The following NEDD4L variants were observed in gnomAD, a reference collection of about 807,000 sequenced individuals.
The protein encoded by NEDD4L is E3 ubiquitin-protein ligase NEDD4-like.
In NEDD4L, 54 loss-of-function variants were observed where a neutral mutation model predicts 148.9. The ratio of observed to expected loss-of-function variants is 0.36; its 90% confidence interval spans 0.29 to 0.45. The LOEUF (loss-of-function observed/expected upper bound fraction) is 0.45, where lower values mean the gene tolerates loss of function less well. Ranked by LOEUF, NEDD4L falls within the 20% of genes least tolerant of loss-of-function variation. The pLI, the probability that NEDD4L is intolerant of heterozygous loss-of-function variation, is 1.00. For synonymous variants in NEDD4L, 433 were observed against 440.7 expected, an observed-to-expected ratio of 0.98 and a Z score of 0.22; for missense variants, 856 against 1,233.8, an observed-to-expected ratio of 0.69 and a Z score of 4.59.
At chr18:58,076,953 C>G (rs2083196181) in intron 1 of NEDD4L, among the ~76,000 whole-genome samples, 1 of 150,086 alleles carries the variant, frequency 6.7e-6, no homozygotes, top group Non-Finnish European at 1.5e-5. Flanking sequence ...TGGATTCAAG[C>G]AATTCTTCTG....
At chr18:58,394,880 T>C (rs1189594393) in intron 30 of NEDD4L, among the ~76,000 whole-genome samples, 1 of 152,260 alleles carries the variant, frequency 6.6e-6, no homozygotes, top group Admixed American at 6.5e-5. Flanking sequence ...TGCTCATTCT[T>C]GGAATCACAC....
chr18:58,269,290 A>T (rs1343912776), intron 5 of NEDD4L, among the ~76,000 whole-genome samples: 1 of 151,968 alleles, frequency 6.6e-6, no homozygotes, highest in Non-Finnish European at 1.5e-5. Context: ...CATGGCTTAA[A>T]ACTCTCAGAA....
At chr18:58,153,947 C>G (rs980333825) in intron 1 of NEDD4L, among the ~76,000 whole-genome samples, 1 of 152,088 alleles carries the variant, frequency 6.6e-6, no homozygotes, top group Non-Finnish European at 1.5e-5. Context: ...GCACCCGGCC[C>G]GAAATATTGT....
chr18:58,292,279 G>A (rs1454628502), intron 5 of NEDD4L, among the ~76,000 whole-genome samples: 2 of 152,166 alleles, frequency 1.3e-5, no homozygotes, highest in Non-Finnish European at 2.9e-5. Context: ...TACTGTCACT[G>A]CTGCCTCTGT....
intron 2 of NEDD4L, among the ~76,000 whole-genome samples, chr18:58,229,032 T>C (rs1420932851): frequency 6.6e-6 from 1 of 152,214 alleles, no homozygotes; most frequent in Non-Finnish European, 1.5e-5. Flanking sequence ...AGGCAATCCC[T>C]GTGCACGTGA....
intron 1 of NEDD4L, chr18:58,045,181 A>C (rs145249229): frequency 1.2e-4 from 49 of 398,776 alleles, no homozygotes; most frequent in African/African-American, 9.8e-4. Flanking sequence ...GATTGTGTGG[A>C]TCAGCAGGCG....
Position 58,248,882 on chromosome 18 carries a change from G to T in NEDD4L, c.205-17G>T, listed in dbSNP as rs751735501. ...TTTGAAAGACTAAAAGATACTACAA[G>T]ATAATTTCTCTTCCAGACACTGAAC... On this transcript the variant is annotated splice_polypyrimidine_tract_variant and intron_variant, in intron 3 of 30. Transcript: ENST00000400345. 5.7e-6 allele frequency: 8 copies of T among 1,401,530 alleles called. No homozygotes were observed. Among genetic ancestry groups the T allele is most frequent in the Non-Finnish European group, 7.9e-6 (8 of 1,010,262 alleles). The allele number at this position is 1,401,530 out of a possible 1,614,324, so 86.8% of individuals were successfully genotyped here. A position where few individuals can be genotyped will look rare whatever the true frequency, so the allele number is the denominator to read the frequency against.
intron 1 of NEDD4L, among the ~76,000 whole-genome samples, chr18:58,153,963 C>G (rs950181225): frequency 3.3e-5 from 5 of 152,172 alleles, no homozygotes; most frequent in African/African-American, 1.2e-4. Flanking sequence ...ATTGTTAAAA[C>G]CAAGTACCTT....
At chr18:58,299,620 T>C (rs1011267503) in intron 5 of NEDD4L, among the ~76,000 whole-genome samples, 1 of 152,216 alleles carries the variant, frequency 6.6e-6, no homozygotes, top group Non-Finnish European at 1.5e-5. Flanking sequence ...TACCCACACA[T>C]TGACAGCTTT....
rs150591464 is a variant in NEDD4L, at chr18:58,191,676, A to T, written c.122+25815A>T. On this transcript the variant is annotated intron_variant, in intron 2 of 30. Transcript: ENST00000400345. ...CAGCATATATACTCCTGCCACCCTC[A>T]GTGTGTAGCCAAAGTTCTAAATTGC... Among the ~76,000 whole-genome samples, 23 of 152,350 alleles carry T rather than the reference A, an allele frequency of 1.5e-4. No individual in the cohort carries two copies. In the East Asian group the frequency reaches 3.7e-3, roughly 24 times the overall value.
At chr18:58,185,063 C>T (rs111343215) in intron 2 of NEDD4L, among the ~76,000 whole-genome samples, 5 of 152,162 alleles carry the variant, frequency 3.3e-5, no homozygotes, top group Admixed American at 6.5e-5. Context: ...GCGTGCACGG[C>T]GTTAGTCATG....
chr18:58,396,352 C>A lies in NEDD4L; in HGVS notation c.*83C>A. The A allele has an allele frequency of 1.1e-6, 1 of 922,024 alleles. No homozygotes were observed. The highest frequency in any genetic ancestry group is 1.6e-5 in the African/African-American group (1 of 61,194). 57.1% of individuals were successfully genotyped at this position (922,024 alleles called of 1,614,324 possible). A position where few individuals can be genotyped will look rare whatever the true frequency, so the allele number is the denominator to read the frequency against. On this transcript the variant is annotated 3_prime_UTR_variant, in exon 31 of 31. Transcript: ENST00000400345. Reference sequence around the variant, plus strand: ...TTTGCCTAACAGACTTTTGCAGAGGCGATGGCAGAGAGCAGCTGCAGGCAT... The same window carrying A: ...TTTGCCTAACAGACTTTTGCAGAGGAGATGGCAGAGAGCAGCTGCAGGCAT...
At chr18:58,254,969 T>C (rs1407841948) in intron 5 of NEDD4L, among the ~76,000 whole-genome samples, 1 of 152,242 alleles carries the variant, frequency 6.6e-6, no homozygotes, top group Non-Finnish European at 1.5e-5. Flanking sequence ...ATCCTGGTAG[T>C]GTAGTGATGT....
chr18:58,074,902 A>G (rs746798600), intron 1 of NEDD4L, among the ~76,000 whole-genome samples: 51 of 152,180 alleles, frequency 3.4e-4, no homozygotes, highest in Non-Finnish European at 5.6e-4. Flanking sequence ...GCTGAAAGGA[A>G]GAGGATGGTG....
intron 2 of NEDD4L, among the ~76,000 whole-genome samples, chr18:58,172,153 T>C (rs7234292): frequency 0.055 from 8,372 of 152,088 alleles, 726 homozygotes; most frequent in African/African-American, 0.19. Flanking sequence ...TCAGGCACCA[T>C]GGAATACTGT....
intron 1 of NEDD4L, among the ~76,000 whole-genome samples, chr18:58,064,745 C>A (rs12963185): frequency 0.31 from 47,608 of 151,984 alleles, 8,603 homozygotes; most frequent in African/African-American, 0.51. Context: ...CTAAAATATG[C>A]CCGTTAGTGT....
At chr18:58,146,729 A>T (rs920448140) in intron 1 of NEDD4L, among the ~76,000 whole-genome samples, 4 of 152,158 alleles carry the variant, frequency 2.6e-5, no homozygotes, top group Non-Finnish European at 5.9e-5. Context: ...AGGATGTGGA[A>T]GGGTGCAGAG....
chr18:58,388,498 T>C (rs1247928030), intron 27 of NEDD4L: 1 of 152,292 alleles, frequency 6.6e-6, no homozygotes, highest in Non-Finnish European at 1.5e-5. Context: ...CTTCCATTTG[T>C]CCACAGGAAA....
Position 58,256,121 on chromosome 18 carries a change from G to C in NEDD4L, c.297+4067G>C. 1 of 1,226,130 alleles carries C rather than the reference G, an allele frequency of 8.2e-7. No individual in the cohort carries two copies. The allele number at this position is 1,226,130 out of a possible 1,614,324, so 76.0% of individuals were successfully genotyped here. ...GAGCTCCCCTCCGAGGGCAGCCCGG[G>C]ACCCAGGGCTCCAGGTCAACGGCAC... On this transcript the variant is annotated intron_variant, in intron 5 of 30. Coordinates refer to ENST00000400345, the MANE Select transcript of NEDD4L (RefSeq NM_001144967.3). The surrounding 1 kb of genome is among the most constrained non-coding windows in gnomAD (Gnocchi z 5.2).
Sources: gnomAD v4.1 joint callset for allele counts (sites outside exome capture counted in the v4.1 genomes callset) on GRCh38, gnomAD v4.1.1 for gene constraint, Gnocchi (gnomAD v3.1) non-coding constraint, MANE v1.5 for transcripts, NCBI Gene and HGNC (gene_info 2026-07-23, HGNC 2026-07-21) for gene names.